FOCAD: variants seen among roughly 807,000 people sequenced by gnomAD.
The protein encoded by FOCAD is focadhesin, also known as KIAA1797.
A neutral mutation model predicts 225.6 loss-of-function variants in FOCAD; 198 were observed. The observed-to-expected ratio is 0.88, with a 90% CI of 0.78 to 0.99. The LOEUF (loss-of-function observed/expected upper bound fraction) is 0.99, where lower values mean the gene tolerates loss of function less well. FOCAD is among the 50% of genes least tolerant of loss of function. The pLI is 0.00. For synonymous variants in FOCAD, 897 were observed against 755.0 expected, an observed-to-expected ratio of 1.19 and a Z score of -3.08; for missense variants, 2,713 against 2,123.6, an observed-to-expected ratio of 1.28 and a Z score of -5.46.
chr9:20,828,131 T>C (rs1825097944), intron 15 of FOCAD, among the ~76,000 whole-genome samples: 1 of 148,160 alleles, frequency 6.7e-6, no homozygotes, highest in South Asian at 2.1e-4. Context: ...CCAGCCTGGA[T>C]GAAAGAGCAA....
chr9:20,783,675 T>C (rs1819630517), intron 10 of FOCAD, among the ~76,000 whole-genome samples: 1 of 151,838 alleles, frequency 6.6e-6, no homozygotes, highest in African/African-American at 2.4e-5. Context: ...TATTTAAAAC[T>C]ACCTATTTCA....
intron 19 of FOCAD, among the ~76,000 whole-genome samples, chr9:20,879,135 C>A (rs1830469877): frequency 6.6e-6 from 1 of 152,140 alleles, no homozygotes; most frequent in Admixed American, 6.6e-5. Context: ...ATTCCTTAAG[C>A]CAGCCAAGTT....
intron 9 of FOCAD, among the ~76,000 whole-genome samples, chr9:20,780,909 C>G (rs1819295367): frequency 6.6e-6 from 1 of 152,142 alleles, no homozygotes; most frequent in African/African-American, 2.4e-5. Flanking sequence ...GGTTTGACCT[C>G]CAGATGATGT....
At chr9:20,837,475 G>T (rs1826102199) in intron 15 of FOCAD, among the ~76,000 whole-genome samples, 1 of 151,856 alleles carries the variant, frequency 6.6e-6, no homozygotes, top group South Asian at 2.1e-4. Flanking sequence ...CTAAAATGAT[G>T]GTAATTGTGT....
chr9:20,749,494 G>A (rs147913310), intron 5 of FOCAD, among the ~76,000 whole-genome samples: 10 of 151,770 alleles, frequency 6.6e-5, no homozygotes, highest in Admixed American at 3.9e-4. Context: ...ATAATTTTTC[G>A]TTATGCATCT....
chr9:20,819,068 G>C (rs1484914187), intron 11 of FOCAD, among the ~76,000 whole-genome samples: 4 of 152,180 alleles, frequency 2.6e-5, no homozygotes, highest in African/African-American at 9.6e-5. Context: ...GGAAATTTTT[G>C]TCCATTGGCT....
chr9:20,984,893 A>G (rs1254927380), intron 39 of FOCAD, among the ~76,000 whole-genome samples: 1 of 152,182 alleles, frequency 6.6e-6, no homozygotes, highest in Non-Finnish European at 1.5e-5. Context: ...CTCCGTCTTC[A>G]GGGTTCAAGT....
At chr9:20,683,051 C>A (rs559715254), upstream of FOCAD, among the ~76,000 whole-genome samples, 1 of 152,088 alleles carries the variant, frequency 6.6e-6, no homozygotes, top group South Asian at 2.1e-4. Flanking sequence ...AGGTGTGAGC[C>A]CCCCCACCTG....
rs200978429 is a variant in FOCAD, at chr9:20,874,766, A to T, written c.2276A>T (p.Tyr759Phe). The T allele has an allele frequency of 5.6e-6, 9 of 1,613,612 alleles. No homozygotes were observed. Among genetic ancestry groups the T allele is most frequent in the Non-Finnish European group, 6.8e-6 (8 of 1,179,740 alleles). The change falls in exon 19 of 44, where the codon TAT becomes TTT. Residue 759 changes from tyrosine (Y) to phenylalanine (F), a missense_variant. Coordinates refer to ENST00000338382, the MANE Select transcript of FOCAD (RefSeq NM_001375567.1). ...DVDLSVPGSC[Y>F]LKLLSLTPPL... ...GATCTTTCAGTTCCTGGCTCTTGCT[A>T]TCTCAAACTGTTGTCACTCACTCCC...
intron 15 of FOCAD, among the ~76,000 whole-genome samples, chr9:20,833,086 G>A (rs1209274400): frequency 6.6e-6 from 1 of 151,954 alleles, no homozygotes. Context: ...CCTCTATACT[G>A]TTTTCTGTAA....
At chr9:20,803,250 G>A (rs1822037056) in intron 11 of FOCAD, among the ~76,000 whole-genome samples, 2 of 152,084 alleles carry the variant, frequency 1.3e-5, no homozygotes, top group Admixed American at 1.3e-4. Context: ...AGAGGGTTAT[G>A]AGTGCCACCA....
chr9:20,668,636 A>G (rs184018157), intron 2 of FOCAD, among the ~76,000 whole-genome samples: 316 of 152,356 alleles, frequency 2.1e-3, no homozygotes, highest in African/African-American at 6.8e-3. Context: ...GAATAGATCC[A>G]TTAGTCGTAA....
chr9:20,991,660 A>G (rs1365126592), intron 42 of FOCAD, among the ~76,000 whole-genome samples: 1 of 152,120 alleles, frequency 6.6e-6, no homozygotes, highest in Non-Finnish European at 1.5e-5. Flanking sequence ...TAAAAATGCA[A>G]GAATTAGACG....
At chr9:20,656,402 G>C (rs1018287925), upstream of FOCAD, among the ~76,000 whole-genome samples, 3 of 152,096 alleles carry the variant, frequency 2.0e-5, no homozygotes, top group Non-Finnish European at 2.9e-5. Context: ...TTATTATTGT[G>C]TGGGAGTCTA....
chr9:20,979,048 A>G (rs1253705031), intron 37 of FOCAD, among the ~76,000 whole-genome samples: 3 of 152,216 alleles, frequency 2.0e-5, no homozygotes, highest in Non-Finnish European at 4.4e-5. Context: ...AGCACCTTTC[A>G]CGTATAGGCC....
chr9:20,710,229 ATTTTTTT>A (rs749860355), intron 1 of FOCAD, among the ~76,000 whole-genome samples: 17 of 102,254 alleles, frequency 1.7e-4, no homozygotes, highest in African/African-American at 4.9e-4. Context: ...AGTAGCTGAG[ATTTTTTT>A]TTTTTTTTTT....
At chr9:20,862,029 T>C (rs1828815896) in intron 15 of FOCAD, among the ~76,000 whole-genome samples, 1 of 152,118 alleles carries the variant, frequency 6.6e-6, no homozygotes, top group African/African-American at 2.4e-5. Flanking sequence ...GGAATTAACT[T>C]TTAAGACATC....
At chr9:20,773,351 G>T (rs1438484488) in intron 8 of FOCAD, among the ~76,000 whole-genome samples, 6 of 152,236 alleles carry the variant, frequency 3.9e-5, no homozygotes, top group Non-Finnish European at 8.8e-5. Context: ...GGCAGAGTTT[G>T]TTACAAATGC....
intron 21 of FOCAD, among the ~76,000 whole-genome samples, chr9:20,902,702 A>C (rs1832656671): frequency 1.3e-5 from 2 of 151,902 alleles, no homozygotes; most frequent in South Asian, 4.1e-4. Context: ...CAATAAAGGA[A>C]AAAGTTGGGA....
Sources: allele counts gnomAD v4.1 joint callset (sites outside exome capture counted in the v4.1 genomes callset), GRCh38; gene constraint gnomAD v4.1.1; transcripts MANE v1.5; gene names NCBI Gene and HGNC (gene_info 2026-07-23, HGNC 2026-07-21).